VPS13B: variants seen among roughly 807,000 people sequenced by gnomAD.
VPS13B encodes the protein intermembrane lipid transfer protein VPS13B.
Under a neutral mutation model 426.4 loss-of-function variants are expected in VPS13B, and 285 were observed. The observed-to-expected ratio is 0.67, with a 90% CI of 0.61 to 0.74. The LOEUF (loss-of-function observed/expected upper bound fraction) is 0.74. Among genes scored for constraint, VPS13B ranks in the 30% least tolerant of loss-of-function variants. The pLI, the probability that VPS13B is intolerant of heterozygous loss-of-function variation, is 0.00. For synonymous variants in VPS13B, 1,676 were observed against 1,676.4 expected (o/e 1.00, Z 0.01); for missense variants, 4,537 against 4,782.6 (o/e 0.95, Z 1.51).
chr8:99,267,534 C>T (rs1588190747), intron 17 of VPS13B, among the ~76,000 whole-genome samples: 1 of 151,928 alleles, frequency 6.6e-6, no homozygotes, highest in South Asian at 2.1e-4. Context: ...TCGAGACCAT[C>T]CTGGCTAACA....
At chr8:99,852,841 G>A (rs992888422) in intron 55 of VPS13B, among the ~76,000 whole-genome samples, 2 of 152,094 alleles carry the variant, frequency 1.3e-5, no homozygotes, top group Non-Finnish European at 1.5e-5. Context: ...ATGACAGCAT[G>A]TTTACAAGCT....
intron 17 of VPS13B, among the ~76,000 whole-genome samples, chr8:99,215,856 C>T (rs766930823): frequency 1.3e-5 from 2 of 152,128 alleles, no homozygotes; most frequent in African/African-American, 2.4e-5. Context: ...TTAGAGGATG[C>T]GGGGAAGGCA....
intron 14 of VPS13B, among the ~76,000 whole-genome samples, chr8:99,155,188 C>T (rs1378722981): frequency 6.6e-6 from 1 of 151,818 alleles, no homozygotes; most frequent in Non-Finnish European, 1.5e-5. Flanking sequence ...GATAGCATGG[C>T]TATTTTACTA....
intron 3 of VPS13B, among the ~76,000 whole-genome samples, chr8:99,076,858 C>T (rs745973824): frequency 6.6e-6 from 1 of 151,978 alleles, no homozygotes; most frequent in Non-Finnish European, 1.5e-5. Context: ...TATTTACATT[C>T]AAGGTTATTA....
chr8:99,209,262 A>G (rs1814918445), intron 17 of VPS13B, among the ~76,000 whole-genome samples: 1 of 151,080 alleles, frequency 6.6e-6, no homozygotes. Context: ...CAGCCTGGTG[A>G]CAGACTGAGG....
chr8:99,516,283 C>A (rs1292697545), intron 29 of VPS13B, among the ~76,000 whole-genome samples: 1 of 152,006 alleles, frequency 6.6e-6, no homozygotes, highest in African/African-American at 2.4e-5. Flanking sequence ...ATAATTCTTA[C>A]ATTATATTTT....
At chr8:99,772,692 G>T (rs1811567557) in intron 40 of VPS13B, among the ~76,000 whole-genome samples, 1 of 152,142 alleles carries the variant, frequency 6.6e-6, no homozygotes, top group Non-Finnish European at 1.5e-5. Context: ...CTTTTCCCCT[G>T]TTTTATATGT....
intron 3 of VPS13B, among the ~76,000 whole-genome samples, chr8:99,087,615 G>T (rs867679518): frequency 0.01 from 1,352 of 129,062 alleles, 14 homozygotes; most frequent in African/African-American, 0.024. Context: ...CTGTTTTTTT[G>T]TTTTTTTTTT....
intron 39 of VPS13B, among the ~76,000 whole-genome samples, chr8:99,743,594 A>C (rs1392839651): frequency 1.3e-5 from 2 of 152,224 alleles, no homozygotes; most frequent in Admixed American, 6.5e-5. Context: ...TACAGTAACC[A>C]AAACAGCATG....
At chr8:99,763,093 ACCACTTCACC>A (rs976612619) in intron 39 of VPS13B, among the ~76,000 whole-genome samples, 6 of 140,832 alleles carry the variant, frequency 4.3e-5, no homozygotes, top group South Asian at 2.3e-4. Context: ...CTGTGATCAC[ACCACTTCACC>A]CTAGCTTGGG....
At chr8:99,266,532 C>T (rs2132967002) in intron 17 of VPS13B, among the ~76,000 whole-genome samples, 1 of 152,288 alleles carries the variant, frequency 6.6e-6, no homozygotes, top group South Asian at 2.1e-4. Flanking sequence ...TGTCCCTGCA[C>T]AGATCTCATC....
At chr8:99,334,359 T>C (rs1810703133) in intron 19 of VPS13B, among the ~76,000 whole-genome samples, 1 of 152,076 alleles carries the variant, frequency 6.6e-6, no homozygotes, top group Admixed American at 6.6e-5. Context: ...TCAGATACCT[T>C]CCTTTGTGAA....
At position 99,065,182 on chromosome 8, in the gene VPS13B, A is replaced by G. The variant is rs187684001; in HGVS notation, c.291+26616A>G. ...CCAAATTGTAAAGACCATGAATGCT[A>G]GGAAGAAACTGTATCAACACAACAA... On this transcript the variant is annotated intron_variant, in intron 3 of 61. Coordinates refer to ENST00000357162, the MANE Select transcript of VPS13B (RefSeq NM_152564.5). Among the ~76,000 whole-genome samples the G allele has an allele frequency of 6.3e-3, 955 of 152,342 alleles. 7 individuals carry two copies. Among genetic ancestry groups the G allele is most frequent in the African/African-American group, 0.022 (896 of 41,564 alleles).
At chr8:99,213,464 AT>A (rs1815217206) in intron 17 of VPS13B, among the ~76,000 whole-genome samples, 1 of 152,116 alleles carries the variant, frequency 6.6e-6, no homozygotes, top group Admixed American at 6.6e-5. Flanking sequence ...ATGGCTAATA[AT>A]TTTTTCCCTA....
chr8:99,737,358 G>A (rs899980490), intron 39 of VPS13B, among the ~76,000 whole-genome samples: 8 of 151,648 alleles, frequency 5.3e-5, no homozygotes, highest in African/African-American at 1.7e-4. Flanking sequence ...CTGACCTCGG[G>A]ATCCGCCTGC....
At chr8:99,073,979 C>T (rs1191458268) in intron 3 of VPS13B, among the ~76,000 whole-genome samples, 1 of 151,976 alleles carries the variant, frequency 6.6e-6, no homozygotes, top group Non-Finnish European at 1.5e-5. Flanking sequence ...CTATATTGCC[C>T]AGGCTGGCCT....
intron 19 of VPS13B, among the ~76,000 whole-genome samples, chr8:99,325,644 G>T (rs941729184): frequency 6.6e-6 from 1 of 152,192 alleles, no homozygotes; most frequent in African/African-American, 2.4e-5. Flanking sequence ...CATCTCAGGG[G>T]AGAGTTATTA....
At chr8:99,183,618 T>C (rs779688759) in intron 16 of VPS13B, among the ~76,000 whole-genome samples, 15 of 152,144 alleles carry the variant, frequency 9.9e-5, no homozygotes, top group Non-Finnish European at 1.9e-4. Flanking sequence ...TTAAATTGGG[T>C]ATTTTTTCTT....
chr8:99,029,118 G>C (rs1054070918), intron 2 of VPS13B, among the ~76,000 whole-genome samples: 2 of 150,938 alleles, frequency 1.3e-5, no homozygotes, highest in African/African-American at 4.9e-5. Context: ...GCCGGGCAGA[G>C]GCGCTCCTCA....
Sources: gnomAD v4.1 joint callset for allele counts (sites outside exome capture counted in the v4.1 genomes callset) on GRCh38, gnomAD v4.1.1 for gene constraint, MANE v1.5 for transcripts, NCBI Gene and HGNC (gene_info 2026-07-23, HGNC 2026-07-21) for gene names.